PABPC4L: variants seen among roughly 807,000 people sequenced by gnomAD.
PABPC4L encodes polyadenylate-binding protein 4-like.
For synonymous variants in PABPC4L, 169 were observed against 164.1 expected (o/e 1.03, Z -0.23); for missense variants, 452 against 451.4 (o/e 1.00, Z -0.01).
the PABPC4L span, among the ~76,000 whole-genome samples, chr4:134,161,426 G>T: frequency 1.6e-4 from 24 of 152,132 alleles, no homozygotes; most frequent in African/African-American, 5.8e-4. Context: ...CCTAATAGCA[G>T]AAGGAGAAGA....
chr4:133,970,026 AATAT>A, the PABPC4L span, among the ~76,000 whole-genome samples: 1 of 148,028 alleles, frequency 6.8e-6, no homozygotes, highest in Non-Finnish European at 1.5e-5. Flanking sequence ...AAATCAAAGA[AATAT>A]ATATATATTT....
the PABPC4L span, among the ~76,000 whole-genome samples, chr4:134,184,275 A>G: frequency 6.6e-6 from 1 of 151,992 alleles, no homozygotes; most frequent in East Asian, 1.9e-4. Context: ...GAATCTGCTG[A>G]ATGTCTAAAT....
At chr4:134,106,336 T>C in the PABPC4L span, among the ~76,000 whole-genome samples, 2 of 151,560 alleles carry the variant, frequency 1.3e-5, no homozygotes, top group Middle Eastern at 3.2e-3. Flanking sequence ...GGAAATAATT[T>C]AGAAAAATAT....
the PABPC4L span, among the ~76,000 whole-genome samples, chr4:134,039,462 C>T: frequency 6.6e-6 from 1 of 152,042 alleles, no homozygotes; most frequent in Non-Finnish European, 1.5e-5. Context: ...GTCTAAGTCT[C>T]TTTGTAGGTC....
At chr4:134,105,907 G>A in the PABPC4L span, among the ~76,000 whole-genome samples, 6 of 151,560 alleles carry the variant, frequency 4.0e-5, no homozygotes, top group Non-Finnish European at 1.5e-5. Context: ...ATTCAGTCAA[G>A]GAGACTTGTT....
the PABPC4L span, among the ~76,000 whole-genome samples, chr4:134,178,312 A>G: frequency 1.3e-5 from 2 of 151,138 alleles, no homozygotes; most frequent in Non-Finnish European, 2.9e-5. Flanking sequence ...TGAGTAAACC[A>G]AACACACCAT....
chr4:133,954,030 C>A, the PABPC4L span, among the ~76,000 whole-genome samples: 4 of 152,232 alleles, frequency 2.6e-5, no homozygotes, highest in Admixed American at 6.5e-5. Context: ...TGAGAGGGAA[C>A]CTGTTAGACA....
the PABPC4L span, among the ~76,000 whole-genome samples, chr4:134,013,853 C>A: frequency 6.6e-6 from 1 of 152,094 alleles, no homozygotes; most frequent in Non-Finnish European, 1.5e-5. Flanking sequence ...GGTCTCAATT[C>A]TTCCTCAGGC....
At chr4:134,157,951 T>C in the PABPC4L span, among the ~76,000 whole-genome samples, 2 of 151,832 alleles carry the variant, frequency 1.3e-5, no homozygotes, top group East Asian at 3.9e-4. Flanking sequence ...TGGTCACTTA[T>C]TTGTTCTCTC....
chr4:133,995,141 T>G, the PABPC4L span, among the ~76,000 whole-genome samples: 2 of 152,148 alleles, frequency 1.3e-5, no homozygotes, highest in African/African-American at 2.4e-5. Context: ...CCTGATTACT[T>G]AGGGGGTTGC....
At chr4:134,136,292 C>G in the PABPC4L span, among the ~76,000 whole-genome samples, 3 of 152,154 alleles carry the variant, frequency 2.0e-5, no homozygotes, top group East Asian at 5.8e-4. Context: ...CTATTTTATT[C>G]CTGCAAGGCC....
the PABPC4L span, among the ~76,000 whole-genome samples, chr4:133,994,961 C>T: frequency 6.6e-6 from 1 of 152,092 alleles, no homozygotes; most frequent in Non-Finnish European, 1.5e-5. Context: ...TTTTTAGGGT[C>T]TTCTTCTTTA....
At chr4:134,072,380 G>A in the PABPC4L span, among the ~76,000 whole-genome samples, 1 of 152,134 alleles carries the variant, frequency 6.6e-6, no homozygotes, top group Non-Finnish European at 1.5e-5. Flanking sequence ...GTTAAACCTA[G>A]AACTAGCAGT....
At chr4:134,126,668 T>G in the PABPC4L span, among the ~76,000 whole-genome samples, 4 of 152,138 alleles carry the variant, frequency 2.6e-5, no homozygotes, top group Non-Finnish European at 5.9e-5. Flanking sequence ...CCTTAAAAAA[T>G]GTAGAGGCAG....
chr4:134,071,477 A>T, the PABPC4L span, among the ~76,000 whole-genome samples: 1 of 152,198 alleles, frequency 6.6e-6, no homozygotes, highest in African/African-American at 2.4e-5. Flanking sequence ...AACACAAGTT[A>T]TTAAAATTCT....
the PABPC4L span, among the ~76,000 whole-genome samples, chr4:134,016,870 T>C: frequency 6.6e-6 from 1 of 152,048 alleles, no homozygotes; most frequent in Non-Finnish European, 1.5e-5. Flanking sequence ...CCCATCAAGC[T>C]CGGGGATTTG....
the PABPC4L span, among the ~76,000 whole-genome samples, chr4:134,109,222 T>C: frequency 1.7e-4 from 26 of 151,998 alleles, 1 homozygote; most frequent in South Asian, 1.9e-3. Flanking sequence ...TATACTTGTG[T>C]ATATGCAGAA....
rs1337775206 is a variant in PABPC4L at position 134,197,642 on chromosome 4, A to T, written c.*2265T>A. 1 of 151,818 alleles carries T rather than the reference A, an allele frequency of 6.6e-6. No individual in the cohort carries two copies. The highest frequency in any genetic ancestry group is 1.5e-5 in the Non-Finnish European group (1 of 67,708). The allele number at this position is 151,818 out of a possible 1,614,324, so 9.4% of individuals were successfully genotyped here. On this transcript the variant is annotated 3_prime_UTR_variant, in exon 2 of 2. Transcript: ENST00000421491. ...CACCCCAACAGGAAAATAAATTATG[A>T]TCATGAGACATTAACTTATAAGTAT...
the PABPC4L span, among the ~76,000 whole-genome samples, chr4:134,049,215 C>A: frequency 1.3e-5 from 2 of 151,988 alleles, no homozygotes; most frequent in Non-Finnish European, 2.9e-5. Context: ...CAAATTTATA[C>A]TGAACTAAAG....
Sources: allele counts gnomAD v4.1 joint callset (sites outside exome capture counted in the v4.1 genomes callset), GRCh38; gene constraint gnomAD v4.1.1; transcripts MANE v1.5; gene names NCBI Gene and HGNC (gene_info 2026-07-23, HGNC 2026-07-21).